TPH1: variants seen among roughly 807,000 people sequenced by gnomAD.
The protein encoded by TPH1 is tryptophan 5-hydroxylase 1.
Under a neutral mutation model 49.5 loss-of-function variants are expected in TPH1, and 37 were observed. That is an observed-to-expected ratio of 0.75 (90% confidence interval 0.58 to 0.98). The LOEUF (loss-of-function observed/expected upper bound fraction) is 0.98, where lower values mean the gene tolerates loss of function less well. TPH1 is among the 50% of genes least tolerant of loss of function. The pLI is 0.00. For synonymous variants in TPH1, 160 were observed against 182.1 expected (o/e 0.88, Z 0.98); for missense variants, 487 against 523.6 (o/e 0.93, Z 0.68).
At chr11:18,045,966 CAG>C (rs893424211) in intron 1 of TPH1, among the ~76,000 whole-genome samples, 2 of 152,170 alleles carry the variant, frequency 1.3e-5, no homozygotes, top group African/African-American at 4.8e-5. Flanking sequence ...AAATATCTAC[CAG>C]AGTTTGTCAT....
At chr11:18,028,155 C>G (rs1374341738) in intron 6 of TPH1, among the ~76,000 whole-genome samples, 1 of 152,100 alleles carries the variant, frequency 6.6e-6, no homozygotes, top group Non-Finnish European at 1.5e-5. Context: ...ATTTTACTTC[C>G]TATACTAGCT....
chr11:18,029,697 T>C, intron 4 of TPH1, 118 bp from the exon 5 acceptor site: 2 of 788,434 alleles, frequency 2.5e-6, no homozygotes, highest in Non-Finnish European at 4.2e-6. Flanking sequence ...TAATTGATAC[T>C]ATGAGCAAGC....
Position 18,029,372 on chromosome 11 carries a change from A to G in TPH1, c.471-11T>C. Reference sequence around the variant, plus strand: ...GGAATGGGGTCTCCACTAATGAGATAAAGGGAAGGAGTTGTTTTGAATTAG... The same window carrying G: ...GGAATGGGGTCTCCACTAATGAGATGAAGGGAAGGAGTTGTTTTGAATTAG... On this transcript the variant is annotated splice_polypyrimidine_tract_variant and intron_variant, in intron 5 of 10. Coordinates refer to ENST00000682019, the MANE Select transcript of TPH1 (RefSeq NM_004179.3). 1 of 1,612,122 alleles carries G rather than the reference A, an allele frequency of 6.2e-7. No individual in the cohort carries two copies. The highest frequency in any genetic ancestry group is 8.5e-7 in the Non-Finnish European group (1 of 1,178,336).
chr11:18,030,886 T>C (rs1479777382), intron 4 of TPH1, among the ~76,000 whole-genome samples: 1 of 152,200 alleles, frequency 6.6e-6, no homozygotes, highest in African/African-American at 2.4e-5. Context: ...TGAAACTAGT[T>C]GGTGTCTGCA....
chr11:18,034,233 A>T (rs186890948), intron 3 of TPH1, among the ~76,000 whole-genome samples: 3 of 152,300 alleles, frequency 2.0e-5, no homozygotes, highest in Admixed American at 1.3e-4. Context: ...CGTCATCTAT[A>T]CACCTCTGCA....
intron 3 of TPH1, among the ~76,000 whole-genome samples, chr11:18,035,507 C>G (rs193166883): frequency 6.7e-6 from 1 of 149,718 alleles, no homozygotes; most frequent in Non-Finnish European, 1.5e-5. Flanking sequence ...CTCAGCTCTA[C>G]AGCCTCAACC....
intron 4 of TPH1, among the ~76,000 whole-genome samples, chr11:18,032,050 T>C (rs1334878472): frequency 2.0e-5 from 3 of 152,166 alleles, no homozygotes; most frequent in Non-Finnish European, 4.4e-5. Flanking sequence ...TATAGAATAA[T>C]TGGACAGATC....
chr11:18,043,820 C>T (rs767483073), intron 1 of TPH1, among the ~76,000 whole-genome samples: 4 of 151,682 alleles, frequency 2.6e-5, no homozygotes, highest in Admixed American at 6.6e-5. Context: ...GATCCATGAT[C>T]GCGCCACTGC....
intron 1 of TPH1, chr11:18,042,543 C>A (rs1848108143): frequency 3.7e-6 from 1 of 269,310 alleles, no homozygotes; most frequent in Non-Finnish European, 7.4e-6. Flanking sequence ...GTATCAACCT[C>A]TTTATTTGCA....
In TPH1 at chr11:18,033,126, A is replaced by T. The variant is rs569695608; in HGVS notation, c.402+148T>A. 41 of 655,728 alleles carry T rather than the reference A, an allele frequency of 6.3e-5. No homozygotes were observed. The African/African-American group carries it at 7.1e-4, about 11-fold the overall frequency. 40.6% of individuals were successfully genotyped at this position (655,728 alleles called of 1,614,324 possible). ...AAATTAGCTGGGTGTGGTTGTGGGC[A>T]CCTGTGATCCCAGCTACTTGGGAGG... On this transcript the variant is annotated intron_variant, in intron 4 of 10. Coordinates refer to ENST00000682019, the MANE Select transcript of TPH1 (RefSeq NM_004179.3).
intron 4 of TPH1, 72 bp downstream of exon 4, chr11:18,033,202 G>A (rs549202304): frequency 3.7e-5 from 44 of 1,184,996 alleles, no homozygotes; most frequent in South Asian, 6.1e-5. Flanking sequence ...GCAGTAAGCC[G>A]AGATCGTGCC....
At chr11:18,033,982 G>A (rs994957100) in intron 3 of TPH1, among the ~76,000 whole-genome samples, 3 of 151,976 alleles carry the variant, frequency 2.0e-5, no homozygotes, top group African/African-American at 7.3e-5. Flanking sequence ...TTCTCATTCC[G>A]CAAAGCCTTC....
At chr11:18,035,790 T>C (rs2134032454) in intron 3 of TPH1, among the ~76,000 whole-genome samples, 169 bp downstream of exon 3, 1 of 152,314 alleles carries the variant, frequency 6.6e-6, no homozygotes, top group Admixed American at 6.5e-5. Context: ...GCTTTATAAT[T>C]TTTCTTTGGT....
chr11:18,040,897 T>A (rs998711908), intron 1 of TPH1, 109 bp from the exon 2 acceptor site: 4 of 1,073,894 alleles, frequency 3.7e-6, no homozygotes, highest in Non-Finnish European at 5.3e-6. Context: ...TTCTTAACCT[T>A]TTATAAAACC....
chr11:18,021,269 C>T, intron 10 of TPH1, 104 bp from the exon 11 acceptor site: 1 of 1,169,804 alleles, frequency 8.5e-7, no homozygotes, highest in Non-Finnish European at 1.3e-6. Context: ...AAAACAAATT[C>T]TTGTTAGATA....
intron 4 of TPH1, among the ~76,000 whole-genome samples, chr11:18,032,067 T>C (rs1170496675): frequency 6.6e-6 from 1 of 152,146 alleles, no homozygotes; most frequent in Non-Finnish European, 1.5e-5. Context: ...GATCATCTAG[T>C]GGCTGTCTAA....
intron 7 of TPH1, among the ~76,000 whole-genome samples, chr11:18,026,118 T>A (rs748055489): frequency 6.6e-6 from 1 of 152,084 alleles, no homozygotes; most frequent in Non-Finnish European, 1.5e-5. Flanking sequence ...TTTTTCTCCA[T>A]GGGACTCAAC....
At position 18,026,679 on chromosome 11, in the gene TPH1, T is replaced by G. The variant is rs1291333808; in HGVS notation, c.668-54A>C. The G allele has an allele frequency of 3.1e-6, 5 of 1,610,606 alleles. No individual in the cohort carries two copies. In the East Asian group the frequency reaches 8.9e-5, roughly 29 times the overall value. ...ATCTTTACCAGAATAGACCCCTGAC[T>G]GCAGCATTTTAGTTCTGCTAGTGGC... On this transcript the variant is annotated intron_variant, in intron 6 of 10. Coordinates refer to ENST00000682019, the MANE Select transcript of TPH1 (RefSeq NM_004179.3).
intron 4 of TPH1, 35 bp downstream of exon 4, chr11:18,033,239 C>T: frequency 6.5e-7 from 1 of 1,536,364 alleles, no homozygotes; most frequent in Non-Finnish European, 9.0e-7. Flanking sequence ...GACAGCAGAG[C>T]AAGACTTGCT....
Sources: gnomAD v4.1 joint callset for allele counts (sites outside exome capture counted in the v4.1 genomes callset) on GRCh38, gnomAD v4.1.1 for gene constraint, MANE v1.5 for transcripts, NCBI Gene and HGNC (gene_info 2026-07-23, HGNC 2026-07-21) for gene names.